The following RXFP2 variants were observed in gnomAD, a reference collection of about 807,000 sequenced individuals.
RXFP2 encodes the protein relaxin receptor 2.
Under a neutral mutation model 88.6 loss-of-function variants are expected in RXFP2, and 68 were observed. The ratio of observed to expected loss-of-function variants is 0.77; its 90% CI spans 0.63 to 0.94. The LOEUF is 0.94. Ranked by LOEUF, RXFP2 falls within the 40% of genes least tolerant of loss-of-function variation. The probability of loss-of-function intolerance (pLI) is 0.00; values close to 1 mark genes in which losing one functional copy is unlikely to be tolerated. For synonymous variants in RXFP2, 329 were observed against 306.8 expected, an observed-to-expected ratio of 1.07 and a Z score of -0.76; for missense variants, 791 against 893.9, an observed-to-expected ratio of 0.88 and a Z score of 1.47.
chr13:31,767,262 CT>C (rs1238831156), intron 5 of RXFP2, among the ~76,000 whole-genome samples: 2 of 152,152 alleles, frequency 1.3e-5, no homozygotes, highest in East Asian at 3.9e-4. Flanking sequence ...TCAATCATAC[CT>C]GGGCTTGATT....
At chr13:31,743,283 C>T (rs1871283575) in intron 1 of RXFP2, among the ~76,000 whole-genome samples, 1 of 151,932 alleles carries the variant, frequency 6.6e-6, no homozygotes, top group African/African-American at 2.4e-5. Context: ...GCCTGGAAAA[C>T]ATGGTGAAAT....
chr13:31,795,627 G>A (rs774730177), intron 16 of RXFP2, among the ~76,000 whole-genome samples: 2 of 152,268 alleles, frequency 1.3e-5, no homozygotes, highest in East Asian at 3.9e-4. Context: ...CATTGAATAC[G>A]AAATGATTTG....
chr13:31,764,889 T>C (rs895011277), intron 3 of RXFP2, 148 bp from the exon 4 acceptor site: 3 of 600,734 alleles, frequency 5.0e-6, no homozygotes, highest in African/African-American at 1.9e-5. Context: ...AGAATTCTTA[T>C]TTAATTTTAT....
Position 31,798,231 on chromosome 13 carries a change from C to T in RXFP2, c.2005+812C>T, listed in dbSNP as rs117818384. On this transcript the variant is annotated intron_variant, in intron 17 of 17. Transcript: ENST00000298386. ...ATGCACAGACGATAAACAGCTGTAA[C>T]AACCTATGTCCCTCCTGTGCACTCA... Among the ~76,000 whole-genome samples the T allele has an allele frequency of 6.2e-4, 95 of 152,306 alleles. 2 individuals are homozygous for T. The East Asian group carries it at 0.018, about 29-fold the overall frequency.
In RXFP2 at chr13:31,759,378, A is replaced by AAAGAAAGAAAG. The variant is rs1227721286; in HGVS notation, c.241+977_241+987dup. Reference sequence around the variant, plus strand: ...TTAAGATGATGACATTTGGATTGAGAAAGAAAGAAAGAAAGAAAGAAAGAA... The same window carrying AAAGAAAGAAAG: ...TTAAGATGATGACATTTGGATTGAGAAAGAAAGAAAGAAGAAAGAAAGAAAGAAAGAAAGAA... On this transcript the variant is annotated intron_variant, in intron 2 of 17. Transcript: ENST00000298386. Among the ~76,000 whole-genome samples the AAAGAAAGAAAG allele has an allele frequency of 4.6e-5, 5 of 108,324 alleles. No homozygotes were observed. In the Admixed American group the frequency reaches 4.6e-4, roughly 10 times the overall value. The allele number at this position is 108,324 out of a possible 152,430, so 71.1% of individuals were successfully genotyped here.
chr13:31,749,905 T>C (rs754335069), intron 1 of RXFP2, among the ~76,000 whole-genome samples: 34 of 152,322 alleles, frequency 2.2e-4, no homozygotes, highest in Non-Finnish European at 4.1e-4. Flanking sequence ...CAACAATGAA[T>C]AGATATAGTA....
chr13:31,781,957 C>A (rs1448087715), intron 10 of RXFP2, among the ~76,000 whole-genome samples: 2 of 152,074 alleles, frequency 1.3e-5, no homozygotes, highest in Non-Finnish European at 2.9e-5. Flanking sequence ...CATGTGCCAT[C>A]TTTATTTCCG....
At chr13:31,789,315 T>C (rs1454745293) in intron 14 of RXFP2, 122 bp downstream of exon 14, 1 of 729,102 alleles carries the variant, frequency 1.4e-6, no homozygotes, top group Non-Finnish European at 2.4e-6. Flanking sequence ...TATTGAGAAC[T>C]TTTTAATTTT....
intron 1 of RXFP2, among the ~76,000 whole-genome samples, chr13:31,753,231 C>T (rs1478091507): frequency 1.3e-5 from 2 of 152,080 alleles, no homozygotes; most frequent in African/African-American, 4.8e-5. Context: ...AAACTGAGGA[C>T]CTGAAAGATG....
At position 31,797,193 on chromosome 13, in the gene RXFP2, C is replaced by T. The variant is rs756176430; in HGVS notation, c.1787-8C>T. On this transcript the variant is annotated splice_region_variant and splice_polypyrimidine_tract_variant and intron_variant, in intron 16 of 17. Coordinates refer to ENST00000298386, the MANE Select transcript of RXFP2 (RefSeq NM_130806.5). ...CCTGAGATGTTAAAAGTGTGCTTTT[C>T]CCAACAGGTGTGAACTTGCTGGCTT... 2.8e-5 allele frequency: 45 copies of T among 1,591,662 alleles called. 2 individuals are homozygous for T. In the South Asian group the frequency reaches 4.9e-4, roughly 17 times the overall value.
chr13:31,796,194 C>T (rs1435838671), intron 16 of RXFP2, among the ~76,000 whole-genome samples: 2 of 148,822 alleles, frequency 1.3e-5, no homozygotes, highest in African/African-American at 2.4e-5. Context: ...GGACTACAGG[C>T]GCCCGCCACC....
In RXFP2 at chr13:31,739,578, G is replaced by A. The variant is rs773936429; in HGVS notation, c.-35G>A. On this transcript the variant is annotated 5_prime_UTR_variant, in exon 1 of 18. Transcript: ENST00000298386. ...CATCAGAACTCCTGCTGAGGTATAA[G>A]AGGATACGTCTAATAACTCAATTGC... is the stretch of plus-strand genomic sequence containing the variant. The A allele has an allele frequency of 6.6e-6, 9 of 1,353,452 alleles. No individual in the cohort carries two copies. The highest frequency in any genetic ancestry group is 1.7e-5 in the Admixed American group (1 of 59,550). 83.8% of individuals were successfully genotyped at this position (1,353,452 alleles called of 1,614,324 possible).
chr13:31,802,097 G>A (rs1874372981), intron 17 of RXFP2, 49 bp from the exon 18 acceptor site: 2 of 1,573,130 alleles, frequency 1.3e-6, no homozygotes, highest in African/African-American at 2.7e-5. Flanking sequence ...TGTATTTTAT[G>A]TCTATTTAAA....
Position 31,761,795 on chromosome 13 carries a change from G to C in RXFP2, c.313G>C (p.Glu105Gln). The C allele has an allele frequency of 6.2e-7, 1 of 1,608,800 alleles. No homozygotes were observed. The highest frequency in any genetic ancestry group is 8.5e-7 in the Non-Finnish European group (1 of 1,175,382). ...GNANSVALTQECFLKQYPQCC... is the reference protein window; with the variant it reads ...GNANSVALTQQCFLKQYPQCC... ...TGCTAACAGCGTGGCCTTAACACAG[G>C]AGTGCTGTAAGTGGTTTTGATTCAA... is the stretch of plus-strand genomic sequence containing the variant. The change falls in exon 3 of 18, where the codon GAG becomes CAG. Residue 105 changes from glutamate to glutamine, a missense_variant. Transcript: ENST00000298386.
intron 2 of RXFP2, among the ~76,000 whole-genome samples, chr13:31,759,206 A>AT (rs1261646354): frequency 6.6e-6 from 1 of 151,754 alleles, no homozygotes; most frequent in Non-Finnish European, 1.5e-5. Context: ...TGGAGTTCAC[A>AT]TGGGTAATGT....
At chr13:31,793,319 T>C (rs965563169) in intron 16 of RXFP2, among the ~76,000 whole-genome samples, 5 of 152,184 alleles carry the variant, frequency 3.3e-5, no homozygotes, top group African/African-American at 1.2e-4. Context: ...CTCTGGATGA[T>C]ATTTTTATTA....
chr13:31,745,073 G>A (rs898232287), intron 1 of RXFP2, among the ~76,000 whole-genome samples: 8 of 151,932 alleles, frequency 5.3e-5, no homozygotes, highest in Admixed American at 2.6e-4. Context: ...GGGAGGCTAA[G>A]GCAGAAGAAT....
intron 16 of RXFP2, among the ~76,000 whole-genome samples, chr13:31,795,911 T>C (rs1257836899): frequency 6.6e-6 from 1 of 152,124 alleles, no homozygotes; most frequent in Non-Finnish European, 1.5e-5. Flanking sequence ...TTCACATAGT[T>C]GAATTTTTAA....
chr13:31,770,940 G>A (rs1872714160), intron 5 of RXFP2, among the ~76,000 whole-genome samples: 1 of 152,162 alleles, frequency 6.6e-6, no homozygotes, highest in African/African-American at 2.4e-5. Context: ...CTAAAGAGAA[G>A]GTGGGGAGCA....
Sources: gnomAD v4.1 joint callset for allele counts (sites outside exome capture counted in the v4.1 genomes callset) on GRCh38, gnomAD v4.1.1 for gene constraint, MANE v1.5 for transcripts, NCBI Gene and HGNC (gene_info 2026-07-23, HGNC 2026-07-21) for gene names.